Variants in SLC9B1 observed in about 807,000 individuals in gnomAD.
SLC9B1 encodes sodium/hydrogen exchanger 9B1.
Under a neutral mutation model 51.7 loss-of-function variants are expected in SLC9B1, and 32 were observed. That is an observed-to-expected ratio of 0.62 (90% CI 0.47 to 0.83). SLC9B1 has a LOEUF of 0.83. SLC9B1 is among the 40% of genes least tolerant of loss of function. The pLI, the probability that SLC9B1 is intolerant of heterozygous loss-of-function variation, is 0.00. For synonymous variants in SLC9B1, 145 were observed against 212.7 expected (o/e 0.68, Z 2.77); for missense variants, 406 against 613.2 (o/e 0.66, Z 3.57).
intron 11 of SLC9B1, among the ~76,000 whole-genome samples, chr4:102,887,105 A>C (rs1733966018): frequency 6.6e-6 from 1 of 152,218 alleles, no homozygotes; most frequent in South Asian, 2.1e-4. Flanking sequence ...TTAATCACTC[A>C]TATGGACTCA....
At chr4:102,921,149 G>C (rs1193497145) in intron 7 of SLC9B1, among the ~76,000 whole-genome samples, 1 of 152,118 alleles carries the variant, frequency 6.6e-6, no homozygotes, top group Admixed American at 6.5e-5. Flanking sequence ...AAGTGTTAAG[G>C]GCACCCAGAG....
chr4:102,960,978 C>A (rs960125840), intron 3 of SLC9B1, among the ~76,000 whole-genome samples: 2 of 151,828 alleles, frequency 1.3e-5, no homozygotes, highest in Non-Finnish European at 2.9e-5. Context: ...GTGATCCGCC[C>A]GCCTCAGCCT....
At chr4:102,895,791 T>C (rs939956900) in intron 11 of SLC9B1, among the ~76,000 whole-genome samples, 1 of 152,036 alleles carries the variant, frequency 6.6e-6, no homozygotes, top group Non-Finnish European at 1.5e-5. Context: ...TACCAAATAA[T>C]CTCAGTAAAC....
At chr4:102,947,721 G>A (rs972747014) in intron 4 of SLC9B1, among the ~76,000 whole-genome samples, 25 of 152,122 alleles carry the variant, frequency 1.6e-4, no homozygotes, top group African/African-American at 6.0e-4. Flanking sequence ...ATAGGTTATT[G>A]GAAATGGCAA....
intron 3 of SLC9B1, among the ~76,000 whole-genome samples, chr4:102,968,192 A>C (rs1454756751): frequency 6.6e-6 from 1 of 152,248 alleles, no homozygotes; most frequent in Non-Finnish European, 1.5e-5. Context: ...TTCAGAATCC[A>C]ACCCACATAA....
At chr4:102,918,703 A>T (rs1378839814) in intron 7 of SLC9B1, among the ~76,000 whole-genome samples, 3 of 152,220 alleles carry the variant, frequency 2.0e-5, no homozygotes, top group Non-Finnish European at 4.4e-5. Flanking sequence ...GTGAGGACAA[A>T]GAGAAGGTGC....
intron 6 of SLC9B1, among the ~76,000 whole-genome samples, chr4:102,937,839 T>C (rs1736801326): frequency 6.6e-6 from 1 of 152,070 alleles, no homozygotes; most frequent in Middle Eastern, 3.2e-3. Context: ...GGGAATCTGT[T>C]ACCACCAGAC....
intron 7 of SLC9B1, among the ~76,000 whole-genome samples, chr4:102,929,027 G>A (rs1167378403): frequency 2.0e-5 from 3 of 152,144 alleles, no homozygotes; most frequent in East Asian, 1.9e-4. Context: ...TTATGGTGCC[G>A]ACCCACACTG....
In SLC9B1 at chr4:102,943,440, A is replaced by C. The variant is rs112277705; in HGVS notation, c.653+1753T>G. Reference sequence around the variant, plus strand: ...TACGGAACTAGCTCAAATGCCCATCAATCAATGAATGCATACAGAAAATGT... The same window carrying C: ...TACGGAACTAGCTCAAATGCCCATCCATCAATGAATGCATACAGAAAATGT... On this transcript the variant is annotated intron_variant, in intron 6 of 11. Transcript: ENST00000296422. Among the ~76,000 whole-genome samples the C allele has an allele frequency of 3.3e-3, 502 of 152,072 alleles. 5 individuals carry two copies. The highest frequency in any genetic ancestry group is 0.017 in the Middle Eastern group (5 of 294).
chr4:102,908,745 A>G (rs1735185569), intron 9 of SLC9B1, among the ~76,000 whole-genome samples: 1 of 152,312 alleles, frequency 6.6e-6, no homozygotes, highest in South Asian at 2.1e-4. Context: ...GGTCATAGGA[A>G]ATTTTACTTT....
chr4:102,922,449 G>A (rs1402940537), intron 7 of SLC9B1, among the ~76,000 whole-genome samples: 2 of 152,130 alleles, frequency 1.3e-5, no homozygotes, highest in African/African-American at 2.4e-5. Flanking sequence ...ATGCCCAGAA[G>A]AGAAAGCAGG....
chr4:102,997,297 TC>T (rs1452473775), intron 1 of SLC9B1, among the ~76,000 whole-genome samples: 2 of 152,200 alleles, frequency 1.3e-5, no homozygotes, highest in African/African-American at 4.8e-5. Context: ...CAATATTGAG[TC>T]TTCCAATCTT....
chr4:102,983,556 C>A (rs1739466391), intron 3 of SLC9B1, among the ~76,000 whole-genome samples: 1 of 152,130 alleles, frequency 6.6e-6, no homozygotes. Context: ...GATTCAATTT[C>A]TTTAATAGTT....
chr4:102,918,952 G>C (rs1735723965), intron 7 of SLC9B1, among the ~76,000 whole-genome samples: 1 of 152,198 alleles, frequency 6.6e-6, no homozygotes, highest in South Asian at 2.1e-4. Flanking sequence ...AGCTGCCAAG[G>C]CTTGGGGATT....
chr4:102,894,089 C>T (rs1347566090), intron 11 of SLC9B1, among the ~76,000 whole-genome samples: 4 of 152,090 alleles, frequency 2.6e-5, no homozygotes, highest in East Asian at 3.8e-4. Context: ...AACACAATTA[C>T]ATAAATGACA....
At chr4:102,957,011 G>A (rs1459266461) in intron 3 of SLC9B1, among the ~76,000 whole-genome samples, 1 of 152,098 alleles carries the variant, frequency 6.6e-6, no homozygotes, top group Admixed American at 6.5e-5. Context: ...ATCTAGAATC[G>A]AAAAGTACAA....
At chr4:102,922,089 C>G (rs1045815027) in intron 7 of SLC9B1, among the ~76,000 whole-genome samples, 29 of 152,298 alleles carry the variant, frequency 1.9e-4, no homozygotes, top group African/African-American at 6.3e-4. Context: ...ACTCTCCACC[C>G]CAAATCAACA....
intron 7 of SLC9B1, among the ~76,000 whole-genome samples, chr4:102,914,870 T>C (rs912314661): frequency 1.3e-5 from 2 of 152,160 alleles, no homozygotes; most frequent in African/African-American, 2.4e-5. Context: ...GAAATGGACA[T>C]ACAAATCCAA....
intron 1 of SLC9B1, among the ~76,000 whole-genome samples, chr4:103,008,861 G>C (rs1202967911): frequency 6.8e-6 from 1 of 146,268 alleles, no homozygotes; most frequent in Non-Finnish European, 1.5e-5. Context: ...GTGCAGTGGC[G>C]CAATCTCGAC....
Sources: gnomAD v4.1 joint callset for allele counts (sites outside exome capture counted in the v4.1 genomes callset) on GRCh38, gnomAD v4.1.1 for gene constraint, MANE v1.5 for transcripts, NCBI Gene and HGNC (gene_info 2026-07-23, HGNC 2026-07-21) for gene names.